Variants in CCDC178 observed in about 807,000 individuals in gnomAD.
CCDC178 encodes the protein coiled-coil domain-containing protein 178.
Under a neutral mutation model 117.4 loss-of-function variants are expected in CCDC178, and 126 were observed. The ratio of observed to expected loss-of-function variants is 1.07; its 90% confidence interval spans 0.93 to 1.24. The LOEUF (loss-of-function observed/expected upper bound fraction) is 1.24. CCDC178 is among the 50% of genes most tolerant of loss of function. The probability of loss-of-function intolerance (pLI) is 0.00; values close to 1 mark genes in which losing one functional copy is unlikely to be tolerated. For synonymous variants in CCDC178, 283 were observed against 313.4 expected (o/e 0.90, Z 1.02); for missense variants, 1,030 against 986.9 (o/e 1.04, Z -0.59).
chr18:32,938,150 G>A, intron 22 of CCDC178, 59 bp from the exon 23 acceptor site: 5 of 1,155,328 alleles, frequency 4.3e-6, no homozygotes, highest in African/African-American at 1.5e-5. Context: ...AGAAAACAGA[G>A]CATTATTATG....
chr18:32,968,964 T>C (rs1295615141), intron 22 of CCDC178, among the ~76,000 whole-genome samples: 1 of 152,034 alleles, frequency 6.6e-6, no homozygotes, highest in Non-Finnish European at 1.5e-5. Context: ...TATGTGTGTG[T>C]GTGTTAAATG....
intron 21 of CCDC178, among the ~76,000 whole-genome samples, chr18:32,986,775 T>G (rs2055272604): frequency 6.6e-6 from 1 of 152,006 alleles, no homozygotes; most frequent in African/African-American, 2.4e-5. Flanking sequence ...AATACCTAAT[T>G]AAAGAGTATA....
chr18:33,173,239 G>A (rs560125703), intron 20 of CCDC178, among the ~76,000 whole-genome samples: 11 of 152,068 alleles, frequency 7.2e-5, no homozygotes, highest in African/African-American at 1.2e-4. Context: ...TAGTAGAAAC[G>A]GGTTTTCACT....
chr18:33,219,412 C>T (rs1212160459), intron 18 of CCDC178, among the ~76,000 whole-genome samples: 1 of 152,030 alleles, frequency 6.6e-6, no homozygotes, highest in Non-Finnish European at 1.5e-5. Flanking sequence ...TTGACCCAGC[C>T]ATCCCATTAC....
intron 20 of CCDC178, among the ~76,000 whole-genome samples, chr18:33,202,540 C>T (rs1031210591): frequency 6.6e-6 from 1 of 151,964 alleles, no homozygotes; most frequent in African/African-American, 2.4e-5. Context: ...CCACCTCTTA[C>T]CTTCTAATGT....
chr18:32,958,361 G>T (rs1221762999), intron 22 of CCDC178: 2 of 341,296 alleles, frequency 5.9e-6, no homozygotes, highest in Non-Finnish European at 1.1e-5. Flanking sequence ...TCTGGGAAAA[G>T]ATAATTAAAT....
intron 21 of CCDC178, among the ~76,000 whole-genome samples, chr18:33,007,105 C>T (rs763415932): frequency 5.3e-5 from 8 of 151,972 alleles, no homozygotes; most frequent in Non-Finnish European, 5.9e-5. Context: ...AATTAAAACA[C>T]GATTTTAAAA....
intron 14 of CCDC178, among the ~76,000 whole-genome samples, chr18:33,266,491 T>C (rs1305439654): frequency 6.6e-6 from 1 of 151,522 alleles, no homozygotes; most frequent in Non-Finnish European, 1.5e-5. Context: ...AGAGGTAAGA[T>C]AAGGCTGTGT....
chr18:33,365,085 A>G (rs1264944871), intron 6 of CCDC178, among the ~76,000 whole-genome samples: 1 of 152,068 alleles, frequency 6.6e-6, no homozygotes, highest in Non-Finnish European at 1.5e-5. Context: ...AGATTAATTG[A>G]TTAGGCAAGA....
chr18:32,949,598 T>A (rs1190309612), intron 22 of CCDC178, among the ~76,000 whole-genome samples: 5 of 152,154 alleles, frequency 3.3e-5, no homozygotes, highest in African/African-American at 1.2e-4. Context: ...CCTTTTTATA[T>A]CTTCAATGTC....
rs1598993220 is a variant in CCDC178, at chr18:33,200,917, G to A, written c.2238+10979C>T. ...TTCTGACAACACATGACTTCAAAAT[G>A]AACAAATACATCGATGAATGAATGA... On this transcript the variant is annotated intron_variant, in intron 20 of 22. Coordinates refer to ENST00000383096, the MANE Select transcript of CCDC178 (RefSeq NM_001105528.4). Among the ~76,000 whole-genome samples, 2 of 152,076 alleles carry A rather than the reference G, an allele frequency of 1.3e-5. 1 individual carries two copies. Among genetic ancestry groups the A allele is most frequent in the South Asian group, 4.1e-4 (2 of 4,822 alleles).
Position 33,274,524 on chromosome 18 carries a change from G to T in CCDC178, c.1177-7227C>A, listed in dbSNP as rs77752451. On this transcript the variant is annotated intron_variant, in intron 12 of 22. Coordinates refer to ENST00000383096, the MANE Select transcript of CCDC178 (RefSeq NM_001105528.4). ...CCAAAAATCCATCTACTAAAGAATG[G>T]ATAAACAAAATGTAATGTACTTAGA... 1.6e-3 allele frequency among the ~76,000 whole-genome samples: 246 copies of T among 151,910 alleles called. 1 individual carries two copies. The highest frequency in any genetic ancestry group is 5.6e-3 in the African/African-American group (232 of 41,492).
At chr18:33,217,580 G>A (rs1445318732) in intron 18 of CCDC178, among the ~76,000 whole-genome samples, 3 of 150,274 alleles carry the variant, frequency 2.0e-5, no homozygotes, top group African/African-American at 7.4e-5. Flanking sequence ...ATACTATATT[G>A]GCCTATGTCA....
At chr18:33,394,963 A>ATATG (rs2063614962) in intron 4 of CCDC178, among the ~76,000 whole-genome samples, 2 of 132,356 alleles carry the variant, frequency 1.5e-5, no homozygotes, top group African/African-American at 5.5e-5. Context: ...ATATATATAT[A>ATATG]TATATATATA....
intron 20 of CCDC178, among the ~76,000 whole-genome samples, chr18:33,120,981 A>G (rs1467724206): frequency 6.6e-6 from 1 of 152,112 alleles, no homozygotes; most frequent in Admixed American, 6.6e-5. Context: ...GAAATTAGGT[A>G]TAATTTTAAA....
intron 20 of CCDC178, among the ~76,000 whole-genome samples, chr18:33,166,471 T>C (rs754996331): frequency 7.2e-5 from 11 of 152,002 alleles, no homozygotes; most frequent in South Asian, 2.1e-4. Context: ...CTGATCCCAA[T>C]TGGATGGCCT....
At chr18:33,173,468 G>A (rs1029382029) in intron 20 of CCDC178, among the ~76,000 whole-genome samples, 2 of 152,146 alleles carry the variant, frequency 1.3e-5, no homozygotes, top group Non-Finnish European at 2.9e-5. Context: ...CAGGTGCCAC[G>A]GCTTTAAAGA....
At chr18:33,357,810 T>C (rs890035116) in intron 6 of CCDC178, among the ~76,000 whole-genome samples, 1 of 86,102 alleles carries the variant, frequency 1.2e-5, no homozygotes. Context: ...AAAAAAATTA[T>C]ATGATATATA....
At chr18:33,180,891 A>G (rs1358605972) in intron 20 of CCDC178, among the ~76,000 whole-genome samples, 1 of 152,074 alleles carries the variant, frequency 6.6e-6, no homozygotes, top group Non-Finnish European at 1.5e-5. Flanking sequence ...CTTGCTATCA[A>G]ATTTAAGACC....
Sources: gnomAD v4.1 joint callset for allele counts (sites outside exome capture counted in the v4.1 genomes callset) on GRCh38, gnomAD v4.1.1 for gene constraint, MANE v1.5 for transcripts, NCBI Gene and HGNC (gene_info 2026-07-23, HGNC 2026-07-21) for gene names.